Variants in CPQ observed in about 807,000 individuals in gnomAD.
The protein encoded by CPQ is carboxypeptidase Q, also known as Ser-Met dipeptidase.
CPQ carries 37 observed loss-of-function variants against 45.7 expected under a neutral mutation model. The ratio of observed to expected loss-of-function variants is 0.81; its 90% CI spans 0.62 to 1.07. CPQ has a LOEUF of 1.07. Ranked by LOEUF, CPQ falls within the 50% of genes least tolerant of loss-of-function variation. The pLI, the probability that CPQ is intolerant of heterozygous loss-of-function variation, is 0.00. For synonymous variants in CPQ, 186 were observed against 205.8 expected (o/e 0.90, Z 0.82); for missense variants, 537 against 572.9 (o/e 0.94, Z 0.64).
chr8:97,037,639 T>G (rs1810026683), intron 6 of CPQ, among the ~76,000 whole-genome samples: 1 of 152,220 alleles, frequency 6.6e-6, no homozygotes, highest in Admixed American at 6.5e-5. Flanking sequence ...TATATTCACA[T>G]GATTTATACT....
chr8:96,699,497 A>G (rs1373773105), intron 1 of CPQ, among the ~76,000 whole-genome samples: 2 of 152,210 alleles, frequency 1.3e-5, no homozygotes, highest in Admixed American at 6.5e-5. Context: ...TAATTGGATT[A>G]CTTGTTACAC....
intron 1 of CPQ, among the ~76,000 whole-genome samples, chr8:96,736,665 C>A (rs1809985977): frequency 1.3e-5 from 2 of 152,188 alleles, no homozygotes; most frequent in African/African-American, 4.8e-5. Flanking sequence ...TGGCTGCATA[C>A]TACATGTCAT....
intron 4 of CPQ, among the ~76,000 whole-genome samples, chr8:96,924,535 T>C (rs1468159650): frequency 6.6e-6 from 1 of 152,222 alleles, no homozygotes; most frequent in African/African-American, 2.4e-5. Context: ...CATTGATTTT[T>C]TTTTACCAAG....
chr8:96,856,913 T>C (rs1811859189), intron 3 of CPQ, among the ~76,000 whole-genome samples: 1 of 152,218 alleles, frequency 6.6e-6, no homozygotes, highest in African/African-American at 2.4e-5. Context: ...AAGAAGATAG[T>C]ATGTGCCCAG....
intron 1 of CPQ, among the ~76,000 whole-genome samples, chr8:96,737,736 A>G (rs927717936): frequency 2.0e-5 from 3 of 152,032 alleles, no homozygotes; most frequent in African/African-American, 7.3e-5. Context: ...GACACTCATT[A>G]TTAACCATCA....
chr8:96,766,430 T>C (rs1024095902), intron 1 of CPQ, among the ~76,000 whole-genome samples: 1 of 152,162 alleles, frequency 6.6e-6, no homozygotes, highest in Admixed American at 6.5e-5. Context: ...CATGTGCTTC[T>C]GTGACACTTC....
intron 1 of CPQ, among the ~76,000 whole-genome samples, chr8:96,721,731 C>T (rs1348846159): frequency 6.6e-6 from 1 of 152,174 alleles, no homozygotes; most frequent in African/African-American, 2.4e-5. Context: ...TTTAAAGTAG[C>T]TCACAGGTCC....
intron 7 of CPQ, among the ~76,000 whole-genome samples, chr8:97,076,929 G>T (rs576431499): frequency 6.6e-6 from 1 of 152,268 alleles, no homozygotes; most frequent in South Asian, 2.1e-4. Flanking sequence ...CTGTTGATCA[G>T]AAGTCTTTAT....
At chr8:96,744,823 A>G (rs1810153482) in intron 1 of CPQ, among the ~76,000 whole-genome samples, 2 of 152,204 alleles carry the variant, frequency 1.3e-5, no homozygotes, top group African/African-American at 4.8e-5. Flanking sequence ...ATCATGATTA[A>G]TATTATATTT....
intron 1 of CPQ, among the ~76,000 whole-genome samples, chr8:96,711,307 C>T (rs983133605): frequency 2.0e-5 from 3 of 152,076 alleles, no homozygotes; most frequent in African/African-American, 4.8e-5. Context: ...TTAAGTGGAG[C>T]GTTTAGACAA....
At chr8:97,138,345 G>A (rs1812098950) in intron 7 of CPQ, among the ~76,000 whole-genome samples, 2 of 152,248 alleles carry the variant, frequency 1.3e-5, no homozygotes, top group South Asian at 4.1e-4. Flanking sequence ...GGGGTTTATG[G>A]GAGTAGATAG....
intron 4 of CPQ, among the ~76,000 whole-genome samples, chr8:96,891,934 C>T (rs952391013): frequency 2.0e-5 from 3 of 152,120 alleles, no homozygotes; most frequent in African/African-American, 7.2e-5. Context: ...AGAAGATTAA[C>T]TGCATGCTAG....
chr8:96,785,832 C>T (rs1810761416), intron 2 of CPQ, among the ~76,000 whole-genome samples: 1 of 152,144 alleles, frequency 6.6e-6, no homozygotes, highest in Non-Finnish European at 1.5e-5. Flanking sequence ...CCTGGATCAG[C>T]TTTATCAGAT....
At chr8:96,894,393 A>C (rs186561278) in intron 4 of CPQ, among the ~76,000 whole-genome samples, 2 of 152,360 alleles carry the variant, frequency 1.3e-5, no homozygotes, top group East Asian at 3.9e-4. Flanking sequence ...CTGTCACAAA[A>C]GATGGGTACT....
intron 4 of CPQ, among the ~76,000 whole-genome samples, chr8:96,920,529 A>G (rs749016504): frequency 5.3e-5 from 8 of 152,000 alleles, no homozygotes; most frequent in Non-Finnish European, 1.2e-4. Flanking sequence ...TATCCCACCC[A>G]CCACATTTTT....
intron 5 of CPQ, among the ~76,000 whole-genome samples, chr8:97,000,829 C>T (rs1363907227): frequency 6.6e-6 from 1 of 152,124 alleles, no homozygotes; most frequent in Non-Finnish European, 1.5e-5. Flanking sequence ...TTACTTTGGG[C>T]AGTATGGCCA....
chr8:96,853,399 G>C (rs1811799564), intron 3 of CPQ, among the ~76,000 whole-genome samples: 1 of 152,176 alleles, frequency 6.6e-6, no homozygotes, highest in Non-Finnish European at 1.5e-5. Flanking sequence ...TGTGAAGACT[G>C]GTAATTCATG....
chr8:96,706,058 T>C (rs1215694593), intron 1 of CPQ, among the ~76,000 whole-genome samples: 1 of 152,108 alleles, frequency 6.6e-6, no homozygotes, highest in African/African-American at 2.4e-5. Flanking sequence ...TGTTTGAGGA[T>C]TGATTCTTTT....
At chr8:97,054,401 T>G (rs770208917) in intron 6 of CPQ, among the ~76,000 whole-genome samples, 1 of 152,174 alleles carries the variant, frequency 6.6e-6, no homozygotes, top group Non-Finnish European at 1.5e-5. Flanking sequence ...TACCATTCTA[T>G]CCAGCAATCC....
Sources: allele counts gnomAD v4.1 joint callset (sites outside exome capture counted in the v4.1 genomes callset), GRCh38; gene constraint gnomAD v4.1.1; transcripts MANE v1.5; gene names NCBI Gene and HGNC (gene_info 2026-07-23, HGNC 2026-07-21).